RARB: variants seen among roughly 807,000 people sequenced by gnomAD.
RARB encodes retinoic acid receptor beta.
A neutral mutation model predicts 51.9 loss-of-function variants in RARB; 17 were observed. That is an observed-to-expected ratio of 0.33 (90% confidence interval 0.22 to 0.49). The LOEUF (loss-of-function observed/expected upper bound fraction) is 0.49. Ranked by LOEUF, RARB falls within the 20% of genes least tolerant of loss-of-function variation. The pLI, the probability that RARB is intolerant of heterozygous loss-of-function variation, is 0.99. For synonymous variants in RARB, 215 were observed against 195.4 expected, an observed-to-expected ratio of 1.10 and a Z score of -0.84; for missense variants, 369 against 550.8, an observed-to-expected ratio of 0.67 and a Z score of 3.30.
At position 25,106,993 on chromosome 3, in the gene RARB, C is replaced by T. The variant is rs896426377; in HGVS notation, c.-327-25168C>T. ...TCAGCTCACTGCAACCTCCGCCTCC[C>T]GGGTTCAAGCAATTCTCCTGCCTCA... On this transcript the variant is annotated intron_variant, in intron 3 of 11. Transcript: ENST00000383772. Among the ~76,000 whole-genome samples the T allele has an allele frequency of 2.6e-5, 4 of 151,930 alleles. No individual in the cohort carries two copies. In the East Asian group the frequency reaches 5.8e-4, roughly 22 times the overall value.
intron 2 of RARB, among the ~76,000 whole-genome samples, chr3:24,875,813 CCT>C (rs1329500095): frequency 1.3e-4 from 20 of 152,016 alleles, no homozygotes. Flanking sequence ...ATTTCCTTTC[CCT>C]GTTTCAGGAT....
At chr3:25,322,631 A>T (rs957568094) in intron 5 of RARB, among the ~76,000 whole-genome samples, 1 of 152,206 alleles carries the variant, frequency 6.6e-6, no homozygotes, top group Non-Finnish European at 1.5e-5. Flanking sequence ...TTTTATAATC[A>T]TATTTTTATA....
intron 2 of RARB, among the ~76,000 whole-genome samples, chr3:24,940,929 T>C (rs895476286): frequency 2.4e-4 from 36 of 152,162 alleles, no homozygotes; most frequent in Non-Finnish European, 7.3e-5. Flanking sequence ...CAGGGAGAGA[T>C]AGTCAGTGAG....
chr3:25,083,880 T>G (rs1309582292), intron 3 of RARB, among the ~76,000 whole-genome samples: 1 of 152,200 alleles, frequency 6.6e-6, no homozygotes, highest in Non-Finnish European at 1.5e-5. Flanking sequence ...TGCCTTACTC[T>G]TTAAGATATG....
chr3:25,563,416 A>G (rs988579421), intron 3 of RARB, among the ~76,000 whole-genome samples: 10 of 152,156 alleles, frequency 6.6e-5, no homozygotes, highest in Non-Finnish European at 5.9e-5. Flanking sequence ...TTTTCTCTGT[A>G]TATTTGTTCC....
At chr3:24,907,815 T>A (rs979046335) in intron 2 of RARB, among the ~76,000 whole-genome samples, 1 of 152,048 alleles carries the variant, frequency 6.6e-6, no homozygotes, top group African/African-American at 2.4e-5. Context: ...CTCCATACCT[T>A]TAAATATAGA....
chr3:25,503,654 A>G (rs970744412), intron 3 of RARB, among the ~76,000 whole-genome samples: 4 of 152,204 alleles, frequency 2.6e-5, no homozygotes, highest in African/African-American at 9.7e-5. Flanking sequence ...AAATAAATGT[A>G]TTTTTGTTAG....
chr3:25,264,102 G>C (rs965181328), intron 5 of RARB, among the ~76,000 whole-genome samples: 1 of 97,542 alleles, frequency 1.0e-5, no homozygotes, highest in African/African-American at 3.6e-5. Context: ...CCCACTTGGG[G>C]CATTGTTGAT....
intron 6 of RARB, among the ~76,000 whole-genome samples, chr3:25,594,016 A>T (rs2125326049): frequency 6.6e-6 from 1 of 152,272 alleles, no homozygotes. Flanking sequence ...GAATGATGAC[A>T]AGGGACTTGT....
chr3:25,464,583 A>G (rs1695338925), intron 2 of RARB, among the ~76,000 whole-genome samples: 1 of 152,198 alleles, frequency 6.6e-6, no homozygotes, highest in Non-Finnish European at 1.5e-5. Context: ...AAATACAGTG[A>G]CAAAATTCAC....
chr3:25,136,480 A>G (rs890744255), intron 4 of RARB, among the ~76,000 whole-genome samples: 1 of 151,970 alleles, frequency 6.6e-6, no homozygotes, highest in African/African-American at 2.4e-5. Flanking sequence ...ATGTTTTGTA[A>G]AAATAACCCA....
intron 2 of RARB, among the ~76,000 whole-genome samples, chr3:24,934,503 T>A (rs902843016): frequency 6.6e-6 from 1 of 152,160 alleles, no homozygotes; most frequent in Non-Finnish European, 1.5e-5. Context: ...CTGAATTTGG[T>A]CTTGTTCTAT....
chr3:25,162,774 C>G (rs958271828), intron 4 of RARB, among the ~76,000 whole-genome samples: 2 of 152,194 alleles, frequency 1.3e-5, no homozygotes, highest in African/African-American at 2.4e-5. Flanking sequence ...TTTTTATGGT[C>G]AATCAATATA....
At chr3:24,874,059 T>A (rs1702997365) in intron 2 of RARB, among the ~76,000 whole-genome samples, 1 of 152,082 alleles carries the variant, frequency 6.6e-6, no homozygotes, top group Non-Finnish European at 1.5e-5. Flanking sequence ...TAGAAATGAT[T>A]TGAAATATAC....
intron 5 of RARB, among the ~76,000 whole-genome samples, chr3:25,333,960 G>A (rs372224428): frequency 7.2e-5 from 11 of 152,196 alleles, no homozygotes; most frequent in South Asian, 2.1e-4. Context: ...GAGAAATGCA[G>A]ATCAAAACCA....
intron 1 of RARB, among the ~76,000 whole-genome samples, chr3:24,834,519 C>T (rs1281733590): frequency 6.6e-6 from 1 of 152,130 alleles, no homozygotes; most frequent in Non-Finnish European, 1.5e-5. Flanking sequence ...TAGCAGGCTT[C>T]CCCTCTTTCA....
At chr3:25,242,141 A>C (rs1702447518) in intron 5 of RARB, among the ~76,000 whole-genome samples, 1 of 151,102 alleles carries the variant, frequency 6.6e-6, no homozygotes, top group Admixed American at 6.6e-5. Context: ...TCCTTCCCCC[A>C]CTTTTCAATG....
chr3:25,478,115 A>G (rs1559424096), intron 2 of RARB, among the ~76,000 whole-genome samples: 2 of 152,182 alleles, frequency 1.3e-5, no homozygotes, highest in East Asian at 1.9e-4. Context: ...AAGGTTGCAG[A>G]GGACAAGGTA....
At chr3:24,942,454 C>T (rs1469138856) in intron 2 of RARB, among the ~76,000 whole-genome samples, 2 of 152,146 alleles carry the variant, frequency 1.3e-5, no homozygotes, top group Middle Eastern at 3.4e-3. Context: ...CGAGTAATGT[C>T]GGTGTTAAGA....
Sources: gnomAD v4.1 joint callset for allele counts (sites outside exome capture counted in the v4.1 genomes callset) on GRCh38, gnomAD v4.1.1 for gene constraint, MANE v1.5 for transcripts, NCBI Gene and HGNC (gene_info 2026-07-23, HGNC 2026-07-21) for gene names.